ADGRV1: variants seen among roughly 807,000 people sequenced by gnomAD.
ADGRV1 encodes adhesion G protein-coupled receptor V1, also known as G-protein coupled receptor 98.
Under a neutral mutation model 596.2 loss-of-function variants are expected in ADGRV1, and 359 were observed. That is an observed-to-expected ratio of 0.60 (90% CI 0.55 to 0.66). The LOEUF (loss-of-function observed/expected upper bound fraction) is 0.66, where lower values mean the gene tolerates loss of function less well. ADGRV1 is among the 30% of genes least tolerant of loss of function. The probability of loss-of-function intolerance (pLI) is 0.00; values close to 1 mark genes in which losing one functional copy is unlikely to be tolerated. For missense variants in ADGRV1, 7,274 were observed against 7,575.6 expected, an observed-to-expected ratio of 0.96 and a Z score of 1.48; for synonymous variants, 2,681 against 2,679.2, an observed-to-expected ratio of 1.00 and a Z score of -0.02.
intron 85 of ADGRV1, among the ~76,000 whole-genome samples, chr5:90,996,379 G>T (rs954372236): frequency 6.6e-6 from 1 of 152,312 alleles, no homozygotes; most frequent in East Asian, 1.9e-4. Context: ...GCTCCAGGGG[G>T]TGCAAGCCAT....
intron 73 of ADGRV1, among the ~76,000 whole-genome samples, chr5:90,809,249 G>T (rs1372580212): frequency 7.0e-6 from 1 of 141,914 alleles, no homozygotes; most frequent in Admixed American, 7.3e-5. Context: ...AGCCACCGCG[G>T]CCAGGCATAA....
intron 85 of ADGRV1, among the ~76,000 whole-genome samples, chr5:90,987,448 T>C (rs1780587526): frequency 7.0e-6 from 1 of 143,592 alleles, no homozygotes; most frequent in Admixed American, 7.1e-5. Context: ...CCAGCCTGGG[T>C]TACAGAACAA....
At chr5:90,725,428 A>C (rs562143130) in intron 47 of ADGRV1, 121 bp from the exon 48 acceptor site, 2 of 711,200 alleles carry the variant, frequency 2.8e-6, no homozygotes, top group Non-Finnish European at 4.8e-6. Flanking sequence ...AGTTATGTGT[A>C]GCTTGGTATT....
chr5:91,032,014 TG>T (rs111968479), intron 85 of ADGRV1, among the ~76,000 whole-genome samples: 5,516 of 152,256 alleles, frequency 0.036, 287 homozygotes, highest in African/African-American at 0.12. Context: ...AAGTGCCACA[TG>T]TTGGGAGCAG....
intron 83 of ADGRV1, among the ~76,000 whole-genome samples, chr5:90,942,268 A>G (rs1417276581): frequency 6.6e-6 from 1 of 152,242 alleles, no homozygotes; most frequent in Non-Finnish European, 1.5e-5. Flanking sequence ...TAACAATGCC[A>G]GGTAGTAATC....
rs55642199 is a variant in ADGRV1, at chr5:90,578,348, T to C, written c.22+19431T>C. The stretch of plus-strand genomic sequence containing the variant: ...TGCTGTTGAATTTTGTTGAAGGCCT[T>C]TTCTGCATCTATTGAGATAATCATG... On this transcript the variant is annotated intron_variant, in intron 1 of 89. Transcript: ENST00000405460. 6.2e-3 allele frequency among the ~76,000 whole-genome samples: 949 copies of C among 152,344 alleles called. 6 individuals are homozygous for C. Among genetic ancestry groups the C allele is most frequent in the African/African-American group, 0.022 (908 of 41,570 alleles).
chr5:90,852,736 G>T (rs1201700142), intron 79 of ADGRV1, among the ~76,000 whole-genome samples: 1 of 152,142 alleles, frequency 6.6e-6, no homozygotes, highest in Non-Finnish European at 1.5e-5. Context: ...AAACAGACTT[G>T]TTAAGTGAAA....
chr5:90,768,799 C>A (rs1049069117), intron 59 of ADGRV1, among the ~76,000 whole-genome samples: 1 of 152,118 alleles, frequency 6.6e-6, no homozygotes, highest in African/African-American at 2.4e-5. Flanking sequence ...ACTTTACCTT[C>A]CTTGGGGAGA....
intron 84 of ADGRV1, among the ~76,000 whole-genome samples, chr5:90,982,116 C>G (rs1045739003): frequency 6.6e-6 from 1 of 152,138 alleles, no homozygotes; most frequent in African/African-American, 2.4e-5. Context: ...AAATAATCAT[C>G]TCACTTGTTC....
At chr5:90,692,216 A>G (rs1409897472) in intron 31 of ADGRV1, among the ~76,000 whole-genome samples, 1 of 152,174 alleles carries the variant, frequency 6.6e-6, no homozygotes, top group Non-Finnish European at 1.5e-5. Flanking sequence ...AATGTGGGAA[A>G]TAAAGCATAG....
intron 59 of ADGRV1, among the ~76,000 whole-genome samples, chr5:90,768,917 A>G (rs1000507676): frequency 4.6e-5 from 7 of 152,220 alleles, no homozygotes; most frequent in Non-Finnish European, 1.0e-4. Context: ...AAGGCAAAGC[A>G]TGAGGCAGTT....
intron 85 of ADGRV1, among the ~76,000 whole-genome samples, chr5:91,028,709 T>C (rs1581833821): frequency 6.9e-6 from 1 of 145,358 alleles, no homozygotes; most frequent in East Asian, 2.0e-4. Flanking sequence ...TGAGCCAAAG[T>C]CCAAGTGAAA....
At chr5:90,787,491 G>A (rs555036076) in intron 67 of ADGRV1, among the ~76,000 whole-genome samples, 4 of 151,168 alleles carry the variant, frequency 2.6e-5, no homozygotes, top group Non-Finnish European at 4.4e-5. Context: ...TTTTAATATA[G>A]ATTTTTATAT....
intron 75 of ADGRV1, among the ~76,000 whole-genome samples, chr5:90,819,839 C>T (rs1245588342): frequency 6.6e-5 from 10 of 152,126 alleles, no homozygotes; most frequent in South Asian, 4.2e-4. Flanking sequence ...CTTCCAAGTA[C>T]GTGGTCATTT....
rs374353799 is a variant in ADGRV1 at position 91,108,859 on chromosome 5, A to G, written c.18432+6519A>G. ...TGATCCTCCCACCTCAGCCTCCCAA[A>G]GTGCTGGGATTATAGGCATGAGCCA... On this transcript the variant is annotated intron_variant, in intron 87 of 89. Coordinates refer to ENST00000405460, the MANE Select transcript of ADGRV1 (RefSeq NM_032119.4). 3.3e-5 allele frequency among the ~76,000 whole-genome samples: 5 copies of G among 152,218 alleles called. No homozygotes were observed. In the East Asian group the frequency reaches 9.7e-4, roughly 29 times the overall value.
intron 89 of ADGRV1, among the ~76,000 whole-genome samples, chr5:91,159,530 C>T (rs769348560): frequency 2.0e-5 from 3 of 152,098 alleles, no homozygotes; most frequent in Non-Finnish European, 4.4e-5. Flanking sequence ...ACACTATTGA[C>T]GTTTTAAGTT....
In ADGRV1 at chr5:90,642,940, GAT is replaced by G. The variant is rs760528527; in HGVS notation, c.2454_2455del (p.Asp818GlufsTer3). The stretch of plus-strand genomic sequence containing the variant: ...TCTACACTACCGAGTAGAGCCAAGA[GAT>G]AGCAATGAATTCTATGGAAACACGG... ...QFLHYRVEPR[D>X]SNEFYGNTGV... On this transcript the variant is annotated frameshift_variant, in exon 13 of 90. Coordinates refer to ENST00000405460, the MANE Select transcript of ADGRV1 (RefSeq NM_032119.4). LOFTEE classifies it high-confidence loss of function. 6.2e-7 allele frequency: 1 copy of G among 1,613,520 alleles called. No homozygotes were observed. The highest frequency in any genetic ancestry group is 1.7e-5 in the Admixed American group (1 of 59,988).
chr5:90,745,801 G>GC lies in ADGRV1; in HGVS notation c.10974+6_10974+7insC. ...GAATTGTTGCATTTGCTCAGGTAAT[G>GC]ATACTGAAGACCCCACACTTGCAAT... is the stretch of plus-strand genomic sequence containing the variant. On this transcript the variant is annotated splice_region_variant and intron_variant, in intron 52 of 89. Transcript: ENST00000405460. 4.0e-6 allele frequency: 6 copies of GC among 1,487,782 alleles called. No individual in the cohort carries two copies. Among genetic ancestry groups the GC allele is most frequent in the Non-Finnish European group, 5.6e-6 (6 of 1,068,146 alleles). The allele number at this position is 1,487,782 out of a possible 1,614,324, so 92.2% of individuals were successfully genotyped here. A position where few individuals can be genotyped will look rare whatever the true frequency, so the allele number is the denominator to read the frequency against.
At chr5:91,048,587 A>G (rs1786038922) in intron 85 of ADGRV1, among the ~76,000 whole-genome samples, 1 of 152,106 alleles carries the variant, frequency 6.6e-6, no homozygotes, top group Admixed American at 6.5e-5. Flanking sequence ...TTTTTCCTAT[A>G]CAAGTGCATG....
Sources: gnomAD v4.1 joint callset for allele counts (sites outside exome capture counted in the v4.1 genomes callset) on GRCh38, gnomAD v4.1.1 for gene constraint, MANE v1.5 for transcripts, NCBI Gene and HGNC (gene_info 2026-07-23, HGNC 2026-07-21) for gene names.